PRPF18: variants seen among roughly 807,000 people sequenced by gnomAD.
PRPF18 encodes the protein pre-mRNA processing factor 18.
A neutral mutation model predicts 46.5 loss-of-function variants in PRPF18; 38 were observed. The ratio of observed to expected loss-of-function variants is 0.82; its 90% CI spans 0.63 to 1.07. PRPF18 has a LOEUF of 1.07. Ranked by LOEUF, PRPF18 falls within the 50% of genes least tolerant of loss-of-function variation. The probability of loss-of-function intolerance (pLI) is 0.00; values close to 1 mark genes in which losing one functional copy is unlikely to be tolerated. For synonymous variants in PRPF18, 152 were observed against 146.7 expected (o/e 1.04, Z -0.26); for missense variants, 263 against 410.0 (o/e 0.64, Z 3.10).
At chr10:13,605,837 A>C (rs2080176080) in intron 4 of PRPF18, 93 bp downstream of exon 4, 1 of 1,418,088 alleles carries the variant, frequency 7.1e-7, no homozygotes, top group African/African-American at 1.5e-5. Context: ...CAACAATGGA[A>C]AAGTAAAGTG....
At chr10:13,625,674 G>T (rs1203491475) in intron 9 of PRPF18, among the ~76,000 whole-genome samples, 2 of 152,200 alleles carry the variant, frequency 1.3e-5, no homozygotes, top group Non-Finnish European at 2.9e-5. Flanking sequence ...AGGCACAAAA[G>T]AATGCATGTT....
At chr10:13,655,852 G>A in the PRPF18 span, 1 of 152,126 alleles carries the variant, frequency 6.6e-6, no homozygotes, top group Non-Finnish European at 1.5e-5. Context: ...ATGTTAATAA[G>A]CCAGTGCTGA....
chr10:13,599,239 T>G (rs1387427529), intron 2 of PRPF18, among the ~76,000 whole-genome samples: 5 of 152,320 alleles, frequency 3.3e-5, no homozygotes, highest in Middle Eastern at 3.4e-3. Flanking sequence ...TGATTTGACC[T>G]GTGAAAATAG....
chr10:13,642,700 A>G, the PRPF18 span: 1 of 152,188 alleles, frequency 6.6e-6, no homozygotes, highest in African/African-American at 2.4e-5. Context: ...ACATATTTAC[A>G]TGTAGAAGAC....
rs543514297 is a variant in PRPF18 at position 13,619,192 on chromosome 10, C to G, written c.948+2639C>G. The stretch of plus-strand genomic sequence containing the variant: ...CTGTGTGGCCCATTGCCTGACTGGC[C>G]ACGGACTAGTGCTGGCCTGTGGCCC... On this transcript the variant is annotated intron_variant, in intron 9 of 9. Transcript: ENST00000378572. 3.2e-4 allele frequency among the ~76,000 whole-genome samples: 48 copies of G among 152,320 alleles called. 1 individual carries two copies. The highest frequency in any genetic ancestry group is 5.9e-4 in the Non-Finnish European group (40 of 68,032).
intron 9 of PRPF18, among the ~76,000 whole-genome samples, chr10:13,619,722 A>G (rs1317903234): frequency 6.6e-6 from 1 of 151,964 alleles, no homozygotes; most frequent in Non-Finnish European, 1.5e-5. Flanking sequence ...AGCGATACTG[A>G]GTGTCAGTGA....
chr10:13,594,230 A>G (rs777648633), intron 1 of PRPF18, among the ~76,000 whole-genome samples: 15 of 152,270 alleles, frequency 9.9e-5, no homozygotes, highest in Non-Finnish European at 2.1e-4. Flanking sequence ...ATTTGCGAAA[A>G]CAAACACTTC....
chr10:13,601,326 G>A (rs1235615762), intron 3 of PRPF18, among the ~76,000 whole-genome samples: 1 of 152,168 alleles, frequency 6.6e-6, no homozygotes, highest in Non-Finnish European at 1.5e-5. Flanking sequence ...ACTCCTAGCT[G>A]TTGTGTTTAT....
chr10:13,621,109 GAA>G (rs978550165), intron 9 of PRPF18, among the ~76,000 whole-genome samples: 1 of 152,178 alleles, frequency 6.6e-6, no homozygotes, highest in Non-Finnish European at 1.5e-5. Flanking sequence ...GATAGCTCTT[GAA>G]AAAGTTCACA....
the PRPF18 span, chr10:13,647,684 A>G: frequency 6.6e-6 from 1 of 151,468 alleles, no homozygotes; most frequent in African/African-American, 2.4e-5. Flanking sequence ...TGTGATTATA[A>G]AAGTGTGTTC....
chr10:13,591,851 T>A, intron 1 of PRPF18: 1 of 1,429,540 alleles, frequency 7.0e-7, no homozygotes, highest in African/African-American at 1.4e-5. Context: ...CTCTTGCCTC[T>A]GTGGAATCCA....
chr10:13,641,909 G>A, the PRPF18 span: 1 of 152,114 alleles, frequency 6.6e-6, no homozygotes, highest in East Asian at 1.9e-4. Flanking sequence ...TAGCTCGTGG[G>A]GATAAAAATT....
chr10:13,594,186 A>T (rs1011902562), intron 1 of PRPF18, among the ~76,000 whole-genome samples: 1 of 152,270 alleles, frequency 6.6e-6, no homozygotes, highest in Non-Finnish European at 1.5e-5. Context: ...ATAAACCCAT[A>T]GTATGCTAAC....
chr10:13,654,271 C>T, the PRPF18 span: 11 of 680,318 alleles, frequency 1.6e-5, 1 homozygote, highest in South Asian at 1.7e-4. Flanking sequence ...GACAGCAGAT[C>T]ATGGGGCTTC....
the PRPF18 span, chr10:13,648,831 G>A: frequency 6.6e-6 from 1 of 152,188 alleles, no homozygotes; most frequent in Non-Finnish European, 1.5e-5. Context: ...ATCTGGGTCT[G>A]TTTGGGATAA....
chr10:13,651,446 T>C, the PRPF18 span: 1 of 159,448 alleles, frequency 6.3e-6, no homozygotes, highest in African/African-American at 2.4e-5. Context: ...AAATATACTT[T>C]GGGGCCAGGC....
intron 1 of PRPF18, chr10:13,591,977 A>G: frequency 2.0e-6 from 2 of 982,592 alleles, no homozygotes; most frequent in Admixed American, 2.0e-5. Flanking sequence ...GCACATCTTC[A>G]GTAGGAAAAT....
chr10:13,620,362 G>A (rs1209220998), intron 9 of PRPF18, among the ~76,000 whole-genome samples: 1 of 152,196 alleles, frequency 6.6e-6, no homozygotes, highest in Non-Finnish European at 1.5e-5. Context: ...ACACTAAGAT[G>A]TTGGCCGAGG....
the PRPF18 span, chr10:13,642,177 G>A: frequency 6.6e-6 from 1 of 152,254 alleles, no homozygotes; most frequent in Non-Finnish European, 1.5e-5. Flanking sequence ...GAGATGCCCT[G>A]TTGATCTCTT....
Sources: allele counts gnomAD v4.1 joint callset (sites outside exome capture counted in the v4.1 genomes callset), GRCh38; gene constraint gnomAD v4.1.1; transcripts MANE v1.5; gene names NCBI Gene and HGNC (gene_info 2026-07-23, HGNC 2026-07-21).